Variants in NR6A1 observed in about 807,000 individuals in gnomAD.
NR6A1 encodes the protein nuclear receptor subfamily 6 group A member 1.
In NR6A1, 7 loss-of-function variants were observed where a neutral mutation model predicts 59.1. The observed-to-expected ratio is 0.12, with a 90% confidence interval of 0.07 to 0.22. NR6A1 has a LOEUF of 0.22. Among genes scored for constraint, NR6A1 ranks in the 10% least tolerant of loss-of-function variants. The pLI, the probability that NR6A1 is intolerant of heterozygous loss-of-function variation, is 1.00. For synonymous variants in NR6A1, 243 were observed against 236.1 expected, an observed-to-expected ratio of 1.03 and a Z score of -0.27; for missense variants, 468 against 611.6, an observed-to-expected ratio of 0.77 and a Z score of 2.48.
intron 2 of NR6A1, among the ~76,000 whole-genome samples, chr9:124,708,066 A>T (rs758647387): frequency 4.6e-5 from 7 of 152,206 alleles, no homozygotes; most frequent in African/African-American, 7.2e-5. Flanking sequence ...AGAGCTTATC[A>T]AGCCCCTTGA....
At chr9:124,627,561 G>A (rs1237287079) in intron 2 of NR6A1, among the ~76,000 whole-genome samples, 2 of 152,152 alleles carry the variant, frequency 1.3e-5, no homozygotes, top group Admixed American at 6.6e-5. Flanking sequence ...TAGCAAATGA[G>A]AGTGAGAATT....
intron 4 of NR6A1, among the ~76,000 whole-genome samples, chr9:124,540,722 G>A (rs1833417120): frequency 6.6e-6 from 1 of 152,092 alleles, no homozygotes; most frequent in Non-Finnish European, 1.5e-5. Flanking sequence ...TCTGGCCTAA[G>A]CTCAGAAGAT....
chr9:124,757,259 T>C (rs954642660), intron 1 of NR6A1, among the ~76,000 whole-genome samples: 1 of 151,884 alleles, frequency 6.6e-6, no homozygotes, highest in African/African-American at 2.4e-5. Flanking sequence ...CACAAGATGG[T>C]GTGAGAAGTA....
At chr9:124,686,329 T>C (rs942226457) in intron 2 of NR6A1, among the ~76,000 whole-genome samples, 1 of 152,226 alleles carries the variant, frequency 6.6e-6, no homozygotes, top group Non-Finnish European at 1.5e-5. Flanking sequence ...TAACTGGTTG[T>C]TGCAAAACAC....
Position 124,717,758 on chromosome 9 carries a change from C to T in NR6A1, c.142+15550G>A, listed in dbSNP as rs991152856. On this transcript the variant is annotated intron_variant, in intron 2 of 9. Transcript: ENST00000487099. ...GATAAGGACATGGACTTTGGGATCACACAGGGTTCATCTCTGCCACTTACC... is the reference window on the plus strand; with the variant it reads ...GATAAGGACATGGACTTTGGGATCATACAGGGTTCATCTCTGCCACTTACC... Among the ~76,000 whole-genome samples, 22 of 152,276 alleles carry T rather than the reference C, an allele frequency of 1.4e-4. No individual in the cohort carries two copies. The South Asian group carries it at 3.9e-3, about 27-fold the overall frequency.
At chr9:124,637,772 G>A (rs1836653644) in intron 2 of NR6A1, among the ~76,000 whole-genome samples, 1 of 151,536 alleles carries the variant, frequency 6.6e-6, no homozygotes, top group African/African-American at 2.4e-5. Flanking sequence ...CACGCCTGTA[G>A]TCCCAGCTAC....
At position 124,536,140 on chromosome 9, in the gene NR6A1, GCAGGGA is replaced by G. The variant is rs750731151; in HGVS notation, c.825-14_825-9del. 8.1e-6 allele frequency: 13 copies of G among 1,609,496 alleles called. No homozygotes were observed. The South Asian group carries it at 1.4e-4, about 18-fold the overall frequency. On this transcript the variant is annotated splice_polypyrimidine_tract_variant and intron_variant, in intron 6 of 9. Coordinates refer to ENST00000487099, the MANE Select transcript of NR6A1 (RefSeq NM_033334.4). ...GCCTGTGTCACAGCGTATCTGAGGG[GCAGGGA>G]CAGGGGAAAGTCACTTCCATTGGTC...
chr9:124,662,715 T>C lies in NR6A1; in HGVS notation c.142+70593A>G, dbSNP rs867212229. Among the ~76,000 whole-genome samples, 77 of 152,350 alleles carry C rather than the reference T, an allele frequency of 5.1e-4. 1 individual carries two copies. The highest frequency in any genetic ancestry group is 1.7e-3 in the African/African-American group (72 of 41,586). On this transcript the variant is annotated intron_variant, in intron 2 of 9. Coordinates refer to ENST00000487099, the MANE Select transcript of NR6A1 (RefSeq NM_033334.4). ...TAAAATGAAACATTTGGACAGGAGA[T>C]TGCTTTACCAGCCGATGTGTGACCA...
rs561750313 is a variant in NR6A1 at position 124,641,666 on chromosome 9, A to C, written c.143-87096T>G. Among the ~76,000 whole-genome samples, 4 of 152,340 alleles carry C rather than the reference A, an allele frequency of 2.6e-5. No homozygotes were observed. In the East Asian group the frequency reaches 7.7e-4, roughly 29 times the overall value. On this transcript the variant is annotated intron_variant, in intron 2 of 9. Coordinates refer to ENST00000487099, the MANE Select transcript of NR6A1 (RefSeq NM_033334.4). ...GAGCTATGACTGCTCCAGCCTGTGCAACACAGTGAGACCCTGTTTCAAAAA... is the reference window on the plus strand; with the variant it reads ...GAGCTATGACTGCTCCAGCCTGTGCCACACAGTGAGACCCTGTTTCAAAAA...
At chr9:124,528,760 C>T (rs1165676744) in intron 7 of NR6A1, among the ~76,000 whole-genome samples, 2 of 151,512 alleles carry the variant, frequency 1.3e-5, no homozygotes, top group East Asian at 1.9e-4. Flanking sequence ...AACCAAAAAA[C>T]CTAAAAAAGA....
At chr9:124,607,077 G>A (rs575614136) in intron 2 of NR6A1, 5 of 152,252 alleles carry the variant, frequency 3.3e-5, no homozygotes, top group African/African-American at 1.2e-4. Flanking sequence ...TGCTGCTCCT[G>A]GACATCCTGG....
At chr9:124,622,201 G>A (rs1384499053) in intron 2 of NR6A1, among the ~76,000 whole-genome samples, 1 of 152,148 alleles carries the variant, frequency 6.6e-6, no homozygotes, top group Admixed American at 6.6e-5. Flanking sequence ...GGGTGACAGA[G>A]TGAGAAGAAA....
chr9:124,595,440 A>C (rs561831445), intron 2 of NR6A1, among the ~76,000 whole-genome samples: 10 of 152,234 alleles, frequency 6.6e-5, no homozygotes, highest in Non-Finnish European at 1.5e-4. Context: ...TTTTTAATGT[A>C]AATTTTATCT....
intron 2 of NR6A1, among the ~76,000 whole-genome samples, chr9:124,564,269 A>G (rs1834169418): frequency 6.6e-6 from 1 of 152,222 alleles, no homozygotes; most frequent in Non-Finnish European, 1.5e-5. Context: ...GAATCATAAA[A>G]TGTTTAAACA....
intron 1 of NR6A1, among the ~76,000 whole-genome samples, chr9:124,740,798 C>G (rs994856215): frequency 2.0e-5 from 3 of 152,158 alleles, no homozygotes; most frequent in Non-Finnish European, 4.4e-5. Flanking sequence ...CTCCCGTGAT[C>G]ATGATTTGGC....
At chr9:124,635,772 G>A (rs753915445) in intron 2 of NR6A1, among the ~76,000 whole-genome samples, 4 of 152,162 alleles carry the variant, frequency 2.6e-5, no homozygotes, top group Non-Finnish European at 4.4e-5. Flanking sequence ...TCCTACTGAA[G>A]GATATCTTGG....
intron 2 of NR6A1, among the ~76,000 whole-genome samples, chr9:124,692,241 G>T (rs1838573641): frequency 6.6e-6 from 1 of 152,096 alleles, no homozygotes; most frequent in Non-Finnish European, 1.5e-5. Flanking sequence ...ACCATTCAAA[G>T]ACATTTTCTC....
chr9:124,742,179 G>C (rs1356051426), intron 1 of NR6A1, among the ~76,000 whole-genome samples: 1 of 152,118 alleles, frequency 6.6e-6, no homozygotes, highest in African/African-American at 2.4e-5. Context: ...GTACACCTAG[G>C]AAGTTTGTCA....
intron 2 of NR6A1, among the ~76,000 whole-genome samples, chr9:124,658,179 T>C (rs1479666594): frequency 1.3e-5 from 2 of 152,166 alleles, no homozygotes; most frequent in Non-Finnish European, 2.9e-5. Context: ...GGGTGGGTAA[T>C]GCCACCAAAC....
Sources: allele counts gnomAD v4.1 joint callset (sites outside exome capture counted in the v4.1 genomes callset), GRCh38; gene constraint gnomAD v4.1.1; transcripts MANE v1.5; gene names NCBI Gene and HGNC (gene_info 2026-07-23, HGNC 2026-07-21).